Variants in PPP4R3B observed in about 807,000 individuals in gnomAD.
PPP4R3B encodes serine/threonine-protein phosphatase 4 regulatory subunit 3B.
In PPP4R3B, 52 loss-of-function variants were observed where a neutral mutation model predicts 95.4. That is an observed-to-expected ratio of 0.54 (90% CI 0.44 to 0.69). The LOEUF is 0.69. Ranked by LOEUF, PPP4R3B falls within the 30% of genes least tolerant of loss-of-function variation. PPP4R3B has a pLI of 0.00. For synonymous variants in PPP4R3B, 407 were observed against 343.9 expected (o/e 1.18, Z -2.03); for missense variants, 1,003 against 1,005.9 (o/e 1.00, Z 0.04).
intron 12 of PPP4R3B, among the ~76,000 whole-genome samples, chr2:55,571,165 C>A (rs2104031402): frequency 6.6e-6 from 1 of 152,082 alleles, no homozygotes; most frequent in East Asian, 1.9e-4. Flanking sequence ...AAAAAATTAG[C>A]CAGGTGTGGT....
chr2:55,575,094 C>G (rs978076778), intron 11 of PPP4R3B, among the ~76,000 whole-genome samples: 1 of 151,190 alleles, frequency 6.6e-6, no homozygotes, highest in East Asian at 2.0e-4. Context: ...CCCGCCACAA[C>G]GCCCGGCTAA....
At chr2:55,615,253 C>T (rs1694730233) in intron 2 of PPP4R3B, 198 bp downstream of exon 2, 5 of 531,540 alleles carry the variant, frequency 9.4e-6, no homozygotes, top group Non-Finnish European at 6.6e-6. Context: ...GACAGTGGCT[C>T]AATCCAAAAA....
chr2:55,566,011 T>G (rs1374684588), intron 13 of PPP4R3B, among the ~76,000 whole-genome samples: 1 of 152,174 alleles, frequency 6.6e-6, no homozygotes, highest in Non-Finnish European at 1.5e-5. Flanking sequence ...AATAAACTAA[T>G]TGATAGTAAT....
chr2:55,599,054 G>A lies in PPP4R3B; in HGVS notation c.298-15C>T. 1 of 1,577,448 alleles carries A rather than the reference G, an allele frequency of 6.3e-7. No homozygotes were observed. The highest frequency in any genetic ancestry group is 8.6e-7 in the Non-Finnish European group (1 of 1,166,242). The stretch of plus-strand genomic sequence containing the variant: ...TTACCTTGAACCTAAAAATATCCAA[G>A]TATACAGCTAATTACCTTAAAATAC... On this transcript the variant is annotated splice_polypyrimidine_tract_variant and intron_variant, in intron 3 of 16. Coordinates refer to ENST00000616407, the MANE Select transcript of PPP4R3B (RefSeq NM_001122964.3).
intron 11 of PPP4R3B, 53 bp from the exon 12 acceptor site, chr2:55,573,830 GAATA>G (rs1211511589): frequency 1.9e-5 from 19 of 1,021,210 alleles, no homozygotes; most frequent in Non-Finnish European, 2.2e-5. Context: ...TCTAAATAAA[GAATA>G]AATAAAGCTT....
At position 55,594,263 on chromosome 2, in the gene PPP4R3B, C is replaced by T. The variant is rs1348621788; in HGVS notation, c.921+4153G>A. ...TCTCCACCATTACTCATGCAATACC[C>T]ATGTAACAAATAAGCCTATGTGCCC... On this transcript the variant is annotated intron_variant, in intron 4 of 16. Coordinates refer to ENST00000616407, the MANE Select transcript of PPP4R3B (RefSeq NM_001122964.3). 2.0e-5 allele frequency among the ~76,000 whole-genome samples: 3 copies of T among 149,914 alleles called. No homozygotes were observed. The East Asian group carries it at 5.9e-4, about 29-fold the overall frequency.
intron 16 of PPP4R3B, among the ~76,000 whole-genome samples, chr2:55,553,982 GCTGGGTCATATGGTAACT>G (rs1387898339): frequency 6.6e-6 from 1 of 152,276 alleles, no homozygotes; most frequent in African/African-American, 2.4e-5. Context: ...AAATGAGGTA[GCTGGGTCATATGGTAACT>G]CTGGGTCATA....
chr2:55,566,147 C>A (rs943118068), intron 13 of PPP4R3B, among the ~76,000 whole-genome samples: 1 of 152,006 alleles, frequency 6.6e-6, no homozygotes, highest in African/African-American at 2.4e-5. Context: ...ACACACAGGT[C>A]ATTTCTTGAA....
At chr2:55,569,271 A>G (rs1403444047) in intron 12 of PPP4R3B, among the ~76,000 whole-genome samples, 3 of 152,096 alleles carry the variant, frequency 2.0e-5, no homozygotes, top group African/African-American at 7.2e-5. Flanking sequence ...CGGTAGCGTT[A>G]GTGTCAAGGA....
At position 55,579,694 on chromosome 2, in the gene PPP4R3B, C is replaced by G; in HGVS notation, c.1453G>C (p.Asp485His). ...GAGACCCTACCCTTTTCACATTTGT[C>G]TTCTGAAGTATTGGTCAAAAGTGGT... Reference protein sequence around the residue: ...TAPLLTNTSEDKCEKDFFLKH... With the variant: ...TAPLLTNTSEHKCEKDFFLKH... The change falls in exon 9 of 17, where the codon GAC becomes CAC. Residue 485 changes from aspartate (D) to histidine (H), a missense_variant. Transcript: ENST00000616407. 1 of 1,595,024 alleles carries G rather than the reference C, an allele frequency of 6.3e-7. No homozygotes were observed. The highest frequency in any genetic ancestry group is 1.1e-5 in the South Asian group (1 of 87,366).
intron 4 of PPP4R3B, among the ~76,000 whole-genome samples, chr2:55,593,294 T>A (rs1691292820): frequency 6.6e-6 from 1 of 152,210 alleles, no homozygotes; most frequent in African/African-American, 2.4e-5. Flanking sequence ...CTTAAGATAT[T>A]GTCAACATGT....
chr2:55,573,883 CTCCTT>C, intron 11 of PPP4R3B, 106 bp from the exon 12 acceptor site: 5 of 576,680 alleles, frequency 8.7e-6, no homozygotes, highest in South Asian at 3.0e-5. Flanking sequence ...ACTGTATTTC[CTCCTT>C]TTTTTTTTTT....
intron 4 of PPP4R3B, among the ~76,000 whole-genome samples, chr2:55,593,758 G>C (rs1181821956): frequency 6.6e-6 from 1 of 152,010 alleles, no homozygotes; most frequent in Admixed American, 6.6e-5. Context: ...ATAAAATAGA[G>C]ACCACTGGCC....
At chr2:55,559,832 C>G (rs1355831057) in intron 15 of PPP4R3B, among the ~76,000 whole-genome samples, 3 of 152,114 alleles carry the variant, frequency 2.0e-5, no homozygotes, top group African/African-American at 7.2e-5. Context: ...ATAAAGATAC[C>G]TGAAAATGGC....
chr2:55,577,368 A>G lies in PPP4R3B; in HGVS notation c.1565-12T>C. 1.4e-6 allele frequency: 2 copies of G among 1,458,666 alleles called. No individual in the cohort carries two copies. Among genetic ancestry groups the G allele is most frequent in the Admixed American group, 2.5e-5 (1 of 39,824 alleles). 90.4% of individuals were successfully genotyped at this position (1,458,666 alleles called of 1,614,324 possible). A position where few individuals can be genotyped will look rare whatever the true frequency, so the allele number is the denominator to read the frequency against. On this transcript the variant is annotated splice_polypyrimidine_tract_variant and intron_variant, in intron 10 of 16. Coordinates refer to ENST00000616407, the MANE Select transcript of PPP4R3B (RefSeq NM_001122964.3). ...TCCAACTATATTATCTAATAAAAAA[A>G]TTAAAAATTAAAATAAAATACTTCA...
chr2:55,577,959 A>C (rs1014435236), intron 10 of PPP4R3B, among the ~76,000 whole-genome samples: 1 of 152,182 alleles, frequency 6.6e-6, no homozygotes, highest in Non-Finnish European at 1.5e-5. Context: ...AGCTAGAAAC[A>C]AATGCACATT....
At chr2:55,581,530 T>C (rs1365937808) in intron 8 of PPP4R3B, 37 bp downstream of exon 8, 1 of 1,593,012 alleles carries the variant, frequency 6.3e-7, no homozygotes. Flanking sequence ...TAAAACTGAC[T>C]AGGCCAAAAC....
intron 4 of PPP4R3B, among the ~76,000 whole-genome samples, chr2:55,589,774 G>A (rs1197756795): frequency 5.3e-5 from 8 of 151,370 alleles, no homozygotes; most frequent in African/African-American, 1.9e-4. Flanking sequence ...AAATTAGCCA[G>A]GCATGGTGGT....
At chr2:55,557,274 C>G (rs775843624) in intron 16 of PPP4R3B, among the ~76,000 whole-genome samples, 1 of 152,182 alleles carries the variant, frequency 6.6e-6, no homozygotes, top group Admixed American at 6.5e-5. Flanking sequence ...CTCACTGAAG[C>G]CTCCACCTCT....
Sources: gnomAD v4.1 joint callset for allele counts (sites outside exome capture counted in the v4.1 genomes callset) on GRCh38, gnomAD v4.1.1 for gene constraint, MANE v1.5 for transcripts, NCBI Gene and HGNC (gene_info 2026-07-23, HGNC 2026-07-21) for gene names.